STAT5B: variants seen among roughly 807,000 people sequenced by gnomAD.
STAT5B encodes signal transducer and activator of transcription 5B.
A neutral mutation model predicts 107.8 loss-of-function variants in STAT5B; 21 were observed. The observed-to-expected ratio is 0.19, with a 90% CI of 0.14 to 0.28. STAT5B has a LOEUF of 0.28. STAT5B is among the 10% of genes least tolerant of loss of function. The pLI is 1.00. For synonymous variants in STAT5B, 325 were observed against 401.7 expected (o/e 0.81, Z 2.28); for missense variants, 565 against 1,008.2 (o/e 0.56, Z 5.95).
chr17:42,288,325 C>T, the STAT5B span: 2 of 152,174 alleles, frequency 1.3e-5, no homozygotes, highest in South Asian at 4.1e-4. This position sits in a 1 kb window ranked among gnomAD's most constrained non-coding sequence, Gnocchi z 4.8. Context: ...CGCCGCCCGC[C>T]GGGAACGGCC....
intron 5 of STAT5B, among the ~76,000 whole-genome samples, chr17:42,221,397 C>A (rs1350318962): frequency 6.6e-6 from 1 of 152,130 alleles, no homozygotes; most frequent in Non-Finnish European, 1.5e-5. Flanking sequence ...AATTTCCCTA[C>A]TCCACTGGAG....
chr17:42,265,374 C>CTTTTTTTTTTTTTTTTTTTTTTTTTTT (rs1275073687), intron 1 of STAT5B, among the ~76,000 whole-genome samples: 1 of 99,230 alleles, frequency 1.0e-5, no homozygotes, highest in African/African-American at 5.0e-5. Flanking sequence ...GGTATGTACT[C>CTTTTTTTTTTTTTTTTTTTTTTTTTTT]TTCTTTTTTT....
chr17:42,228,571 T>G (rs2080293282), intron 2 of STAT5B, among the ~76,000 whole-genome samples: 1 of 152,180 alleles, frequency 6.6e-6, no homozygotes, highest in Non-Finnish European at 1.5e-5. Context: ...GCTAAAAGGC[T>G]CTGCCATCCC....
At chr17:42,232,343 G>A (rs1344257614) in intron 1 of STAT5B, among the ~76,000 whole-genome samples, 3 of 152,040 alleles carry the variant, frequency 2.0e-5, no homozygotes, top group Admixed American at 1.3e-4. Context: ...CCGCCTCCCC[G>A]GTTCAAATGA....
chr17:42,280,216 T>C (rs150254039), upstream of STAT5B, among the ~76,000 whole-genome samples: 1 of 151,608 alleles, frequency 6.6e-6, no homozygotes, highest in Non-Finnish European at 1.5e-5. Context: ...CACTGGAGGG[T>C]CTCATCCCTT....
At chr17:42,263,144 T>C (rs1365432913) in intron 1 of STAT5B, among the ~76,000 whole-genome samples, 2 of 148,918 alleles carry the variant, frequency 1.3e-5, no homozygotes, top group African/African-American at 4.9e-5. Context: ...CAAGCAATCC[T>C]TTCACCTCTG....
chr17:42,284,074 G>A, the STAT5B span, among the ~76,000 whole-genome samples: 2 of 152,064 alleles, frequency 1.3e-5, no homozygotes, highest in African/African-American at 4.8e-5. Flanking sequence ...CCATGTAACA[G>A]GAACTCTCCT....
At chr17:42,221,352 A>C (rs1395369263) in intron 5 of STAT5B, among the ~76,000 whole-genome samples, 1 of 152,114 alleles carries the variant, frequency 6.6e-6, no homozygotes, top group Non-Finnish European at 1.5e-5. Flanking sequence ...AAATTTGCAG[A>C]AGCTTTTGGG....
At chr17:42,242,882 A>AG (rs2080416253) in intron 1 of STAT5B, among the ~76,000 whole-genome samples, 1 of 152,096 alleles carries the variant, frequency 6.6e-6, no homozygotes, top group Admixed American at 6.6e-5. Flanking sequence ...GAATGGATTA[A>AG]GGGCGGTGCA....
intron 1 of STAT5B, among the ~76,000 whole-genome samples, chr17:42,269,282 C>T (rs1220537176): frequency 6.6e-6 from 1 of 152,098 alleles, no homozygotes; most frequent in Non-Finnish European, 1.5e-5. Context: ...CCATGTTGGC[C>T]AGGCTGGTCT....
intron 1 of STAT5B, among the ~76,000 whole-genome samples, chr17:42,256,143 TA>T (rs1200099139): frequency 2.0e-5 from 3 of 152,318 alleles, no homozygotes; most frequent in Non-Finnish European, 2.9e-5. Context: ...AAAATGGGGT[TA>T]AAAAACCAGT....
rs1464508678 is a variant in STAT5B at position 42,212,714 on chromosome 17, G to C, written c.1474-524C>G. ...AGTTGGATGGCTTTATTGAGAAATA[G>C]GTTAGAAGATTAACTTTTAATAAAC... On this transcript the variant is annotated intron_variant, in intron 12 of 18. Transcript: ENST00000293328. Among the ~76,000 whole-genome samples the C allele has an allele frequency of 2.6e-5, 4 of 152,210 alleles. No individual in the cohort carries two copies. The South Asian group carries it at 6.2e-4, about 24-fold the overall frequency.
At chr17:42,253,821 G>T (rs187991274) in intron 1 of STAT5B, among the ~76,000 whole-genome samples, 1 of 152,148 alleles carries the variant, frequency 6.6e-6, no homozygotes, top group African/African-American at 2.4e-5. Context: ...GATTACAGGC[G>T]TGAGTCACCG....
At chr17:42,226,172 T>C (rs2080270736) in intron 3 of STAT5B, among the ~76,000 whole-genome samples, 2 of 152,038 alleles carry the variant, frequency 1.3e-5, no homozygotes, top group Admixed American at 1.3e-4. Flanking sequence ...TGACCTCAGA[T>C]GATTCACCCG....
chr17:42,214,868 GC>G (rs575651031), intron 12 of STAT5B, among the ~76,000 whole-genome samples: 20 of 151,760 alleles, frequency 1.3e-4, no homozygotes, highest in South Asian at 4.2e-4. Flanking sequence ...TCCCGCCTCA[GC>G]CCCCCCCAAG....
At chr17:42,208,331 C>T (rs1023425344) in intron 15 of STAT5B, among the ~76,000 whole-genome samples, 1 of 151,870 alleles carries the variant, frequency 6.6e-6, no homozygotes, top group African/African-American at 2.4e-5. Context: ...TGAACCCTGT[C>T]TCTACTAAAA....
Position 42,223,530 on chromosome 17 carries a change from A to G in STAT5B, c.402T>C (p.Ala134=). 1 of 1,614,180 alleles carries G rather than the reference A, an allele frequency of 6.2e-7. No individual in the cohort carries two copies. The highest frequency in any genetic ancestry group is 8.5e-7 in the Non-Finnish European group (1 of 1,180,022). ...GGAGGTGTTTCTGGGACATGGCATC[A>G]GCAAGGCTTCCAGCTGGAGAGCTAC... is the stretch of plus-strand genomic sequence containing the variant. ...NNGSSPAGSL[A]DAMSQKHLQI... The change falls in exon 5 of 19, where the codon GCT becomes GCC. Residue 134 remains alanine, a synonymous_variant. Coordinates refer to ENST00000293328, the MANE Select transcript of STAT5B (RefSeq NM_012448.4).
chr17:42,203,088 C>A, intron 16 of STAT5B: 1 of 454,346 alleles, frequency 2.2e-6, no homozygotes, highest in Non-Finnish European at 4.1e-6. Context: ...ATTACAGGTA[C>A]ACCACCACAC....
intron 1 of STAT5B, among the ~76,000 whole-genome samples, chr17:42,265,364 G>A (rs145218715): frequency 0.012 from 1,392 of 119,700 alleles, 12 homozygotes; most frequent in South Asian, 0.033. Flanking sequence ...TAAGTCAAAG[G>A]GTATGTACTC....
Sources: gnomAD v4.1 joint callset for allele counts (sites outside exome capture counted in the v4.1 genomes callset) on GRCh38, gnomAD v4.1.1 for gene constraint, Gnocchi (gnomAD v3.1) non-coding constraint, MANE v1.5 for transcripts, NCBI Gene and HGNC (gene_info 2026-07-23, HGNC 2026-07-21) for gene names.